Variants in ASF1B observed in about 807,000 individuals in gnomAD.
ASF1B encodes histone chaperone ASF1B.
ASF1B carries 10 observed loss-of-function variants against 16.6 expected under a neutral mutation model. The ratio of observed to expected loss-of-function variants is 0.60; its 90% confidence interval spans 0.37 to 1.02. The LOEUF is 1.02. Ranked by LOEUF, ASF1B falls within the 50% of genes least tolerant of loss-of-function variation. The pLI is 0.01. For synonymous variants in ASF1B, 101 were observed against 106.2 expected (o/e 0.95, Z 0.30); for missense variants, 240 against 266.0 (o/e 0.90, Z 0.68).
At chr19:14,122,196 G>A (rs1169159650) in intron 2 of ASF1B, among the ~76,000 whole-genome samples, 2 of 152,050 alleles carry the variant, frequency 1.3e-5, no homozygotes, top group African/African-American at 4.8e-5. Context: ...CTCCTAAAGT[G>A]TTGGGATTAC....
Position 14,126,179 on chromosome 19 carries a change from G to T in ASF1B, c.168C>A (p.Ile56=), listed in dbSNP as rs148060285. The part of the protein sequence containing the change: ...GSAESEEFDQ[I]LDSVLVGPVP... Reference sequence around the variant, plus strand: ...CAGGGCCCACCAGCACCGAGTCTAGGATCTGATCAAATTCCTCACTCTCAG... The same window carrying T: ...CAGGGCCCACCAGCACCGAGTCTAGTATCTGATCAAATTCCTCACTCTCAG... The change falls in exon 2 of 4, where the codon ATC becomes ATA. Residue 56 remains isoleucine, a synonymous_variant. Coordinates refer to ENST00000263382, the MANE Select transcript of ASF1B (RefSeq NM_018154.3). 6.8e-6 allele frequency: 11 copies of T among 1,613,314 alleles called. No individual in the cohort carries two copies. The highest frequency in any genetic ancestry group is 1.6e-4 in the Middle Eastern group (1 of 6,084).
chr19:14,126,612 C>T lies in ASF1B; in HGVS notation c.110-375G>A, dbSNP rs144101811. 5.0e-3 allele frequency among the ~76,000 whole-genome samples: 768 copies of T among 152,286 alleles called. 3 individuals are homozygous for T. The highest frequency in any genetic ancestry group is 8.4e-3 in the Non-Finnish European group (568 of 68,016). On this transcript the variant is annotated intron_variant, in intron 1 of 3. Coordinates refer to ENST00000263382, the MANE Select transcript of ASF1B (RefSeq NM_018154.3). The stretch of plus-strand genomic sequence containing the variant: ...TCAGCCTACTGAGTAGCTGGAATTA[C>T]AGGCACCTGCCATCATGGCTGGCTA...
At chr19:14,126,291 AG>A (rs1487385447) in intron 1 of ASF1B, 54 bp from the exon 2 acceptor site, 14 of 1,297,162 alleles carry the variant, frequency 1.1e-5, no homozygotes, top group Non-Finnish European at 1.5e-5. Context: ...GCAAGAAGGC[AG>A]GGATAGGCTC....
In ASF1B at chr19:14,121,275, A is replaced by ATT. The variant is rs71170594; in HGVS notation, c.402+255_402+256dup. 1,562 of 298,156 alleles carry ATT rather than the reference A, an allele frequency of 5.2e-3. 2 individuals are homozygous for ATT. The highest frequency in any genetic ancestry group is 0.011 in the East Asian group (218 of 20,574). 18.5% of individuals were successfully genotyped at this position (298,156 alleles called of 1,614,324 possible). On this transcript the variant is annotated intron_variant, in intron 3 of 3. Coordinates refer to ENST00000263382, the MANE Select transcript of ASF1B (RefSeq NM_018154.3). ...AGAGCACACCACCCATGTCTGGCTC[A>ATT]TTTTTTTTTTTTTTTTTTTTTGCGG...
At chr19:14,130,122 G>C (rs1366168330) in intron 1 of ASF1B, among the ~76,000 whole-genome samples, 1 of 151,480 alleles carries the variant, frequency 6.6e-6, no homozygotes, top group Non-Finnish European at 1.5e-5. Flanking sequence ...GCAGTGGCAC[G>C]ATCTCGGCTC....
rs1967501953 is a variant in ASF1B at position 14,136,396 on chromosome 19, G to C, written c.61C>G (p.Pro21Ala). 1.9e-6 allele frequency: 3 copies of C among 1,613,846 alleles called. No homozygotes were observed. In the East Asian group the frequency reaches 6.7e-5, roughly 36 times the overall value. ...VLENPSPFHSPFRFEISFECS... is the reference protein window; with the variant it reads ...VLENPSPFHSAFRFEISFECS... ...TCGAAGCTGATCTCGAACCGGAAGG[G>C]GCTGTGGAAAGGGCTCGGGTTCTCC... The change falls in exon 1 of 4, where the codon CCC (proline) becomes GCC (alanine). Residue 21 changes from proline (P) to alanine (A), a missense_variant. Physicochemically the swap from Pro to Ala is conservative, Grantham distance 27 (BLOSUM62 -1). Transcript: ENST00000263382.
At chr19:14,123,378 C>CTTTTTTTTT (rs74181857) in intron 2 of ASF1B, among the ~76,000 whole-genome samples, 1 of 119,822 alleles carries the variant, frequency 8.3e-6, no homozygotes, top group African/African-American at 3.3e-5. Flanking sequence ...TTTCTTTCTT[C>CTTTTTTTTT]TTTTTTTTTT....
At chr19:14,132,714 A>C (rs1404004843) in intron 1 of ASF1B, among the ~76,000 whole-genome samples, 1 of 152,098 alleles carries the variant, frequency 6.6e-6, no homozygotes, top group South Asian at 2.1e-4. Context: ...ACTACTTGGG[A>C]TACTGAGGCC....
chr19:14,134,216 T>C (rs989916444), intron 1 of ASF1B, among the ~76,000 whole-genome samples: 3 of 152,142 alleles, frequency 2.0e-5, no homozygotes, highest in Non-Finnish European at 2.9e-5. Context: ...CCTCCTGGCT[T>C]TTAAATTAAA....
At chr19:14,122,480 TTC>T (rs1391025545) in intron 2 of ASF1B, among the ~76,000 whole-genome samples, 1 of 151,706 alleles carries the variant, frequency 6.6e-6, no homozygotes, top group Non-Finnish European at 1.5e-5. Flanking sequence ...ATCCTCCTGC[TTC>T]AGCCTCCCAA....
intron 2 of ASF1B, 62 bp from the exon 3 acceptor site, chr19:14,121,770 A>C: frequency 7.0e-7 from 1 of 1,437,504 alleles, no homozygotes; most frequent in South Asian, 1.3e-5. Flanking sequence ...TCATTAGTAC[A>C]AAGATTCCCA....
At chr19:14,124,150 A>G (rs549115121) in intron 2 of ASF1B, among the ~76,000 whole-genome samples, 2 of 152,048 alleles carry the variant, frequency 1.3e-5, no homozygotes, top group South Asian at 2.1e-4. Flanking sequence ...CTGCATCACT[A>G]TGCCTGGTTA....
At chr19:14,130,787 G>GTGTGTATA (rs141600762) in intron 1 of ASF1B, among the ~76,000 whole-genome samples, 1 of 142,474 alleles carries the variant, frequency 7.0e-6, no homozygotes, top group South Asian at 2.2e-4. Flanking sequence ...GTGTTTGTGT[G>GTGTGTATA]TATATATATA....
At chr19:14,121,192 C>T (rs772796685) in intron 3 of ASF1B, 54 of 410,556 alleles carry the variant, frequency 1.3e-4, no homozygotes, top group Non-Finnish European at 1.9e-4. Flanking sequence ...ACGATCTGAG[C>T]TCACTGCAGC....
intron 1 of ASF1B, among the ~76,000 whole-genome samples, chr19:14,129,869 A>AAACCCCGGCTC (rs1967375523): frequency 6.6e-6 from 1 of 150,452 alleles, no homozygotes; most frequent in Non-Finnish European, 1.5e-5. Context: ...CAACATGGTG[A>AAACCCCGGCTC]TACAAAAAAT....
chr19:14,121,700 G>T lies in ASF1B; in HGVS notation c.234C>A (p.Ala78=). Residue 78 remains alanine (A), a synonymous_variant, in exon 3 of 4, where the codon GCC becomes GCA. Coordinates refer to ENST00000263382, the MANE Select transcript of ASF1B (RefSeq NM_018154.3). ...TCTCTGGGATGAGGGATGGGTTGGG[G>T]GCGTCGGCCTAGGGGAGACACATCC... is the stretch of plus-strand genomic sequence containing the variant. The part of the protein sequence containing the change: ...GRHMFVFQAD[A]PNPSLIPETD... The T allele has an allele frequency of 1.2e-6, 2 of 1,613,644 alleles. No homozygotes were observed. The highest frequency in any genetic ancestry group is 1.7e-6 in the Non-Finnish European group (2 of 1,179,760).
chr19:14,120,737 C>G, intron 3 of ASF1B, 72 bp from the exon 4 acceptor site: 3 of 1,445,116 alleles, frequency 2.1e-6, no homozygotes, highest in Non-Finnish European at 2.9e-6. Flanking sequence ...CAGGACACCC[C>G]CAATCACCCA....
chr19:14,124,034 T>C (rs1967282233), intron 2 of ASF1B, among the ~76,000 whole-genome samples: 1 of 152,066 alleles, frequency 6.6e-6, no homozygotes, highest in South Asian at 2.1e-4. Context: ...CCAAGTGATC[T>C]GCCTGCCCCA....
chr19:14,126,103 A>C lies in ASF1B; in HGVS notation c.225+19T>G, dbSNP rs747288070. The C allele has an allele frequency of 6.5e-7, 1 of 1,537,946 alleles. No individual in the cohort carries two copies. Among genetic ancestry groups the C allele is most frequent in the Non-Finnish European group, 8.9e-7 (1 of 1,126,304 alleles). ...TTCTAGGAATCAAGGGCTAAGGCCT[A>C]AGGCCTCATCTTTCTTACCTGAAAG... On this transcript the variant is annotated intron_variant, in intron 2 of 3. Coordinates refer to ENST00000263382, the MANE Select transcript of ASF1B (RefSeq NM_018154.3).
Sources: gnomAD v4.1 joint callset for allele counts (sites outside exome capture counted in the v4.1 genomes callset) on GRCh38, gnomAD v4.1.1 for gene constraint, MANE v1.5 for transcripts, NCBI Gene and HGNC (gene_info 2026-07-23, HGNC 2026-07-21) for gene names.